GABRB3: variants seen among roughly 807,000 people sequenced by gnomAD.
GABRB3 encodes gamma-aminobutyric acid type A receptor subunit beta3, also known as gamma-aminobutyric acid receptor subunit beta-3.
Under a neutral mutation model 52.1 loss-of-function variants are expected in GABRB3, and 14 were observed. That is an observed-to-expected ratio of 0.27 (90% CI 0.18 to 0.42). GABRB3 has a LOEUF of 0.42. Ranked by LOEUF, GABRB3 falls within the 10% of genes least tolerant of loss-of-function variation. The pLI, the probability that GABRB3 is intolerant of heterozygous loss-of-function variation, is 1.00. For missense variants in GABRB3, 307 were observed against 609.1 expected (o/e 0.50, Z 5.22); for synonymous variants, 260 against 232.3 (o/e 1.12, Z -1.08).
intron 3 of GABRB3, among the ~76,000 whole-genome samples, chr15:26,659,492 A>G (rs1284397935): frequency 6.6e-6 from 1 of 152,194 alleles, no homozygotes; most frequent in African/African-American, 2.4e-5. Flanking sequence ...ACTGCACTCC[A>G]GCCTAGGCGA....
intron 3 of GABRB3, among the ~76,000 whole-genome samples, chr15:26,744,397 C>T (rs1890283718): frequency 6.6e-6 from 1 of 151,036 alleles, no homozygotes; most frequent in South Asian, 2.1e-4. Context: ...CAGTGGAAAT[C>T]GTTTTCAACT....
At chr15:26,636,546 T>C (rs1161511151) in intron 3 of GABRB3, among the ~76,000 whole-genome samples, 1 of 152,224 alleles carries the variant, frequency 6.6e-6, no homozygotes. Flanking sequence ...CTCTTCTCTA[T>C]CTGCACTCCC....
chr15:26,757,366 G>T (rs144204163), intron 3 of GABRB3, among the ~76,000 whole-genome samples: 4 of 152,072 alleles, frequency 2.6e-5, no homozygotes, highest in African/African-American at 9.7e-5. Flanking sequence ...TGCCTGGCGC[G>T]CTCCATTGCT....
intron 3 of GABRB3, among the ~76,000 whole-genome samples, chr15:26,683,481 A>C (rs28654632): frequency 0.17 from 25,394 of 152,158 alleles, 2,241 homozygotes; most frequent in Non-Finnish European, 0.2. Flanking sequence ...TCCTGATATA[A>C]GGTAAATGCT....
At chr15:26,658,077 G>C (rs1887429076) in intron 3 of GABRB3, among the ~76,000 whole-genome samples, 2 of 152,188 alleles carry the variant, frequency 1.3e-5, no homozygotes, top group Non-Finnish European at 2.9e-5. Context: ...ACTGATGTTT[G>C]TGGTATTTTT....
intron 3 of GABRB3, among the ~76,000 whole-genome samples, chr15:26,683,777 A>G (rs979895422): frequency 5.9e-5 from 9 of 152,076 alleles, no homozygotes; most frequent in African/African-American, 1.4e-4. Context: ...ACTATATAGG[A>G]TTATACACTC....
At chr15:26,692,762 A>G (rs1022488858) in intron 3 of GABRB3, among the ~76,000 whole-genome samples, 1 of 152,124 alleles carries the variant, frequency 6.6e-6, no homozygotes. Context: ...TATTATTTAT[A>G]CTGCTTTGAT....
At chr15:26,575,490 C>T (rs1158271948) in intron 6 of GABRB3, among the ~76,000 whole-genome samples, 1 of 152,060 alleles carries the variant, frequency 6.6e-6, no homozygotes, top group East Asian at 1.9e-4. Flanking sequence ...GTAATTCTTC[C>T]TTTTAATGTT....
chr15:26,586,025 G>A (rs1890971125), intron 4 of GABRB3, among the ~76,000 whole-genome samples: 1 of 152,104 alleles, frequency 6.6e-6, no homozygotes, highest in South Asian at 2.1e-4. Flanking sequence ...TTGCTACGGA[G>A]TCTTGCTCTG....
chr15:26,764,911 A>C (rs1362134413), intron 3 of GABRB3, among the ~76,000 whole-genome samples: 1 of 152,110 alleles, frequency 6.6e-6, no homozygotes, highest in Non-Finnish European at 1.5e-5. Context: ...CAGGTGGATC[A>C]CGAGGTCAGA....
At chr15:26,634,872 A>G (rs553341300) in intron 3 of GABRB3, among the ~76,000 whole-genome samples, 13 of 145,900 alleles carry the variant, frequency 8.9e-5, no homozygotes, top group Admixed American at 4.8e-4. Context: ...ATATACACAC[A>G]TATTTATAGA....
At chr15:26,607,401 C>G (rs768831709) in intron 4 of GABRB3, among the ~76,000 whole-genome samples, 4 of 152,086 alleles carry the variant, frequency 2.6e-5, no homozygotes, top group Non-Finnish European at 5.9e-5. Context: ...CAAGGCCCAT[C>G]TCTACAAAAA....
At chr15:26,606,573 T>C (rs1329622111) in intron 4 of GABRB3, among the ~76,000 whole-genome samples, 1 of 152,112 alleles carries the variant, frequency 6.6e-6, no homozygotes, top group African/African-American at 2.4e-5. Context: ...GTTGAAACCT[T>C]TTCTCTAAGA....
At chr15:26,609,177 C>T (rs1230192667) in intron 4 of GABRB3, among the ~76,000 whole-genome samples, 2 of 151,508 alleles carry the variant, frequency 1.3e-5, no homozygotes, top group African/African-American at 4.9e-5. Flanking sequence ...AAAATTTTGT[C>T]AGTTGGGACA....
At chr15:26,611,708 A>G (rs1892077421) in intron 4 of GABRB3, 1 of 152,242 alleles carries the variant, frequency 6.6e-6, no homozygotes. Context: ...CTTCATGCAC[A>G]TGCAGAGGAA....
intron 6 of GABRB3, among the ~76,000 whole-genome samples, chr15:26,574,387 G>C (rs1162389161): frequency 5.9e-5 from 9 of 151,942 alleles, no homozygotes; most frequent in Non-Finnish European, 1.3e-4. Context: ...ATATGACCCA[G>C]GAATTCCACT....
At chr15:26,573,375 A>G (rs1053794089) in intron 6 of GABRB3, among the ~76,000 whole-genome samples, 1 of 152,260 alleles carries the variant, frequency 6.6e-6, no homozygotes, top group African/African-American at 2.4e-5. Flanking sequence ...TATAAGAAAT[A>G]GAAAAGAGAG....
chr15:26,572,714 T>A (rs1890451728), intron 6 of GABRB3, among the ~76,000 whole-genome samples: 1 of 152,160 alleles, frequency 6.6e-6, no homozygotes, highest in Non-Finnish European at 1.5e-5. Context: ...GACATCCCTT[T>A]TAAAATGAAA....
At chr15:26,732,042 G>A (rs2059575) in intron 3 of GABRB3, among the ~76,000 whole-genome samples, 64,438 of 151,658 alleles carry the variant, frequency 0.42, 16,041 homozygotes, top group Admixed American at 0.59. Flanking sequence ...TGGGCGGATG[G>A]ATGGATGGAC....
Sources: gnomAD v4.1 joint callset for allele counts (sites outside exome capture counted in the v4.1 genomes callset) on GRCh38, gnomAD v4.1.1 for gene constraint, MANE v1.5 for transcripts, NCBI Gene and HGNC (gene_info 2026-07-23, HGNC 2026-07-21) for gene names.